The following ATG7 variants were observed in gnomAD, a reference collection of about 807,000 sequenced individuals.
ATG7 encodes the protein ubiquitin-like modifier-activating enzyme ATG7.
In ATG7, 70 loss-of-function variants were observed where a neutral mutation model predicts 82.4. The observed-to-expected ratio is 0.85, with a 90% CI of 0.70 to 1.04. The LOEUF (loss-of-function observed/expected upper bound fraction) is 1.04. Ranked by LOEUF, ATG7 falls within the 50% of genes least tolerant of loss-of-function variation. ATG7 has a pLI of 0.00. For missense variants in ATG7, 792 were observed against 864.3 expected, an observed-to-expected ratio of 0.92 and a Z score of 1.05; for synonymous variants, 287 against 313.0, an observed-to-expected ratio of 0.92 and a Z score of 0.88.
chr3:11,282,658 G>C (rs1559318937), intron 3 of ATG7, among the ~76,000 whole-genome samples: 1 of 152,224 alleles, frequency 6.6e-6, no homozygotes, highest in Admixed American at 6.5e-5. Context: ...CCCTGTAGGA[G>C]TCCTGAGTTC....
rs756094496 is a variant in ATG7, at chr3:11,364,654, C to T, written c.1800-5C>T. The stretch of plus-strand genomic sequence containing the variant: ...TGAGCAGCTCTGATTGTTTCCTGTC[C>T]TCAGGGGCTATGCCATTGCCAGCAG... On this transcript the variant is annotated splice_region_variant and splice_polypyrimidine_tract_variant and intron_variant, in intron 17 of 20. Coordinates refer to ENST00000693202, the MANE Select transcript of ATG7 (RefSeq NM_001349232.2). The T allele has an allele frequency of 4.3e-6, 7 of 1,613,974 alleles. No individual in the cohort carries two copies. The African/African-American group carries it at 9.3e-5, about 22-fold the overall frequency.
chr3:11,391,249 T>G (rs1229545412), intron 19 of ATG7, among the ~76,000 whole-genome samples: 3 of 152,224 alleles, frequency 2.0e-5, no homozygotes, highest in Non-Finnish European at 4.4e-5. Context: ...TAGATTCTTT[T>G]TCTTTTTCTT....
At chr3:11,387,828 G>C (rs1460406130) in intron 19 of ATG7, among the ~76,000 whole-genome samples, 1 of 152,176 alleles carries the variant, frequency 6.6e-6, no homozygotes, top group East Asian at 1.9e-4. Context: ...AAATTAGCCA[G>C]GCGTGGTGGC....
At chr3:11,361,190 C>T (rs1398770687) in intron 16 of ATG7, among the ~76,000 whole-genome samples, 1 of 152,110 alleles carries the variant, frequency 6.6e-6, no homozygotes, top group Non-Finnish European at 1.5e-5. Flanking sequence ...GTTCCCTCTA[C>T]CTTTGCAAAA....
chr3:11,558,324 T>C (rs1182573452), downstream of ATG7: 5 of 674,728 alleles, frequency 7.4e-6, no homozygotes, highest in Non-Finnish European at 1.2e-5. Flanking sequence ...GGATGCTACA[T>C]TAGACAGATG....
chr3:11,364,115 A>G (rs1290691190), intron 17 of ATG7, among the ~76,000 whole-genome samples: 1 of 152,242 alleles, frequency 6.6e-6, no homozygotes, highest in Non-Finnish European at 1.5e-5. Flanking sequence ...TGGTGCCACA[A>G]GTATCACTCC....
intron 20 of ATG7, among the ~76,000 whole-genome samples, chr3:11,467,577 T>C (rs1163699877): frequency 6.6e-6 from 1 of 152,156 alleles, no homozygotes; most frequent in Non-Finnish European, 1.5e-5. Flanking sequence ...GGTTTCACCA[T>C]GTTCGCCAGG....
chr3:11,375,581 ATGGAGCCTTGCTCTGTCATCCAAGC>A (rs2077357952), intron 18 of ATG7, among the ~76,000 whole-genome samples: 2 of 152,170 alleles, frequency 1.3e-5, no homozygotes, highest in East Asian at 1.9e-4. Context: ...TGCCCCCAAG[ATGGAGCCTTGCTCTGTCATCCAAGC>A]TGGAGTGCAG....
chr3:11,544,631 CT>C (rs1295277988), intron 20 of ATG7, among the ~76,000 whole-genome samples: 1 of 152,246 alleles, frequency 6.6e-6, no homozygotes, highest in African/African-American at 2.4e-5. Context: ...CCGCCCACCC[CT>C]GTCCTTCTGG....
At chr3:11,442,104 C>T (rs1443893418) in intron 20 of ATG7, among the ~76,000 whole-genome samples, 5 of 152,244 alleles carry the variant, frequency 3.3e-5, no homozygotes, top group Admixed American at 1.3e-4. Context: ...CACCCAGACT[C>T]TTCTCTTTCT....
intron 20 of ATG7, among the ~76,000 whole-genome samples, chr3:11,525,443 A>G (rs1164545239): frequency 1.5e-5 from 2 of 132,654 alleles, no homozygotes; most frequent in African/African-American, 6.3e-5. Context: ...ACAGTAAGAC[A>G]TGTGATTTTT....
At chr3:11,467,221 G>C (rs1452184863) in intron 20 of ATG7, among the ~76,000 whole-genome samples, 1 of 152,154 alleles carries the variant, frequency 6.6e-6, no homozygotes, top group Non-Finnish European at 1.5e-5. Context: ...GAGATAGCAT[G>C]GGGCAGTGGT....
intron 20 of ATG7, among the ~76,000 whole-genome samples, chr3:11,521,275 A>C (rs1025673886): frequency 6.6e-6 from 1 of 152,202 alleles, no homozygotes; most frequent in African/African-American, 2.4e-5. Flanking sequence ...TACGTGCTAG[A>C]TGCTGACAAA....
At chr3:11,475,774 A>G (rs2088097014) in intron 20 of ATG7, among the ~76,000 whole-genome samples, 1 of 151,984 alleles carries the variant, frequency 6.6e-6, no homozygotes, top group Non-Finnish European at 1.5e-5. Flanking sequence ...TGATCTTGCA[A>G]AACCTGTTGA....
intron 3 of ATG7, among the ~76,000 whole-genome samples, chr3:11,296,523 C>T (rs1486130933): frequency 6.6e-6 from 1 of 152,196 alleles, no homozygotes; most frequent in Non-Finnish European, 1.5e-5. Context: ...ATTTCCCTGC[C>T]TGCCTCTTTC....
intron 20 of ATG7, among the ~76,000 whole-genome samples, chr3:11,430,321 A>G (rs748388219): frequency 2.9e-4 from 44 of 152,264 alleles, no homozygotes; most frequent in Non-Finnish European, 4.7e-4. Flanking sequence ...ATATAAATAT[A>G]TGTTAAAATA....
At chr3:11,286,205 T>C (rs963766283) in intron 3 of ATG7, among the ~76,000 whole-genome samples, 1 of 152,230 alleles carries the variant, frequency 6.6e-6, no homozygotes, top group South Asian at 2.1e-4. Context: ...TAAAATGCTA[T>C]ATTAATGACC....
chr3:11,496,822 A>T (rs2090869249), intron 20 of ATG7, among the ~76,000 whole-genome samples: 2 of 152,116 alleles, frequency 1.3e-5, no homozygotes, highest in African/African-American at 4.8e-5. Context: ...ACAAAAATCC[A>T]TAGGCCTTTC....
chr3:11,361,147 C>T (rs562112440), intron 16 of ATG7, among the ~76,000 whole-genome samples: 3 of 152,342 alleles, frequency 2.0e-5, no homozygotes, highest in East Asian at 3.9e-4. Flanking sequence ...TGGCTTGACA[C>T]TGCCTCCCAG....
Sources: gnomAD v4.1 joint callset for allele counts (sites outside exome capture counted in the v4.1 genomes callset) on GRCh38, gnomAD v4.1.1 for gene constraint, MANE v1.5 for transcripts, NCBI Gene and HGNC (gene_info 2026-07-23, HGNC 2026-07-21) for gene names.